The following RIGI variants were observed in gnomAD, a reference collection of about 807,000 sequenced individuals.
RIGI encodes antiviral innate immune response receptor RIG-I.
At chr9:32,487,073 C>A in the RIGI span, among the ~76,000 whole-genome samples, 1 of 152,168 alleles carries the variant, frequency 6.6e-6, no homozygotes, top group Non-Finnish European at 1.5e-5. Context: ...GAATTCAGAT[C>A]ATTCCATTTC....
chr9:32,499,260 C>T, the RIGI span, among the ~76,000 whole-genome samples: 4 of 134,198 alleles, frequency 3.0e-5, no homozygotes, highest in South Asian at 6.9e-4. Context: ...ATTCTAGATT[C>T]TAATCCTTTG....
At chr9:32,473,725 G>A in the RIGI span, among the ~76,000 whole-genome samples, 2 of 152,118 alleles carry the variant, frequency 1.3e-5, no homozygotes, top group East Asian at 1.9e-4. Flanking sequence ...ACAAACTATT[G>A]GAATTTCAAA....
At chr9:32,471,063 G>C in the RIGI span, among the ~76,000 whole-genome samples, 1 of 152,316 alleles carries the variant, frequency 6.6e-6, no homozygotes, top group African/African-American at 2.4e-5. Flanking sequence ...TTCAAGACCA[G>C]CCTGGCCAAC....
At chr9:32,498,627 A>G in the RIGI span, among the ~76,000 whole-genome samples, 762 of 152,326 alleles carry the variant, frequency 5.0e-3, 5 homozygotes, top group African/African-American at 0.017. Context: ...TATTTGCAAC[A>G]TATATAATAA....
At chr9:32,479,088 T>C in the RIGI span, among the ~76,000 whole-genome samples, 2 of 152,194 alleles carry the variant, frequency 1.3e-5, no homozygotes, top group African/African-American at 4.8e-5. Flanking sequence ...TGAAACTATA[T>C]ACCAACAACC....
chr9:32,516,912 C>G, the RIGI span, among the ~76,000 whole-genome samples: 2 of 152,112 alleles, frequency 1.3e-5, no homozygotes, highest in Admixed American at 6.5e-5. Flanking sequence ...GGACACTGTT[C>G]GGGCTTGTCT....
chr9:32,489,167 ATAAT>A, the RIGI span, among the ~76,000 whole-genome samples: 13 of 152,172 alleles, frequency 8.5e-5, 1 homozygote, highest in African/African-American at 2.2e-4. Flanking sequence ...ATTAATGTAC[ATAAT>A]TAATTAATTA....
At chr9:32,471,192 C>T in the RIGI span, among the ~76,000 whole-genome samples, 2 of 152,338 alleles carry the variant, frequency 1.3e-5, no homozygotes, top group South Asian at 2.1e-4. Flanking sequence ...TGGAAGGTTG[C>T]AGTGAGCTGA....
chr9:32,500,626 T>C, the RIGI span, among the ~76,000 whole-genome samples: 17 of 152,216 alleles, frequency 1.1e-4, no homozygotes, highest in African/African-American at 4.1e-4. Context: ...CAGATTCTTT[T>C]GTTGGATGTT....
the RIGI span, among the ~76,000 whole-genome samples, chr9:32,495,805 G>A: frequency 2.4e-4 from 36 of 151,982 alleles, no homozygotes; most frequent in African/African-American, 7.7e-4. Context: ...GACTACAGGC[G>A]TGTGACACCA....
chr9:32,464,430 C>A, the RIGI span, among the ~76,000 whole-genome samples: 1 of 152,160 alleles, frequency 6.6e-6, no homozygotes, highest in African/African-American at 2.4e-5. Context: ...TACTCTGTTG[C>A]CCAGGCTGGA....
the RIGI span, chr9:32,488,850 T>C: frequency 6.2e-7 from 1 of 1,613,232 alleles, no homozygotes; most frequent in Non-Finnish European, 8.5e-7. Context: ...TAAGATGATG[T>C]TCACATATAA....
chr9:32,460,581 A>C, the RIGI span, among the ~76,000 whole-genome samples: 1 of 152,094 alleles, frequency 6.6e-6, no homozygotes, highest in Non-Finnish European at 1.5e-5. Context: ...AATACTTTTG[A>C]AACATAAAGA....
At chr9:32,471,466 G>A in the RIGI span, among the ~76,000 whole-genome samples, 1 of 152,136 alleles carries the variant, frequency 6.6e-6, no homozygotes, top group Non-Finnish European at 1.5e-5. Context: ...TGGCTTGTCA[G>A]ATAAAAATAA....
chr9:32,505,066 A>G, the RIGI span, among the ~76,000 whole-genome samples: 2 of 144,386 alleles, frequency 1.4e-5, no homozygotes, highest in Non-Finnish European at 3.0e-5. Context: ...TATACATTAT[A>G]TATTTTATAT....
chr9:32,473,443 T>G, the RIGI span, among the ~76,000 whole-genome samples: 2 of 152,132 alleles, frequency 1.3e-5, no homozygotes, highest in East Asian at 3.9e-4. Flanking sequence ...TCAGCAACCA[T>G]GCATGGCTAA....
the RIGI span, chr9:32,493,622 CAAA>C: frequency 1.7e-5 from 8 of 480,268 alleles, no homozygotes; most frequent in East Asian, 4.2e-5. Context: ...GACTCCGTCT[CAAA>C]AAAAAAAAAG....
the RIGI span, chr9:32,480,437 G>A: frequency 9.3e-4 from 1,248 of 1,340,642 alleles, 2 homozygotes; most frequent in South Asian, 1.7e-3. Context: ...TGTATTTAAC[G>A]AATTGTTTTA....
At chr9:32,492,285 T>TCTAC in the RIGI span, 1 of 1,239,666 alleles carries the variant, frequency 8.1e-7, no homozygotes, top group Non-Finnish European at 1.1e-6. Context: ...GCGTTAGAGA[T>TCTAC]GTAGCTCTGG....
Sources: allele counts gnomAD v4.1 joint callset (sites outside exome capture counted in the v4.1 genomes callset), GRCh38; gene constraint gnomAD v4.1.1; transcripts MANE v1.5; gene names NCBI Gene and HGNC (gene_info 2026-07-23, HGNC 2026-07-21).